The following KCNIP4 variants were observed in gnomAD, a reference collection of about 807,000 sequenced individuals.
The protein encoded by KCNIP4 is potassium voltage-gated channel interacting protein 4.
In KCNIP4, 12 loss-of-function variants were observed where a neutral mutation model predicts 34.0. The ratio of observed to expected loss-of-function variants is 0.35; its 90% confidence interval spans 0.23 to 0.57. The LOEUF (loss-of-function observed/expected upper bound fraction) is 0.57, where lower values mean the gene tolerates loss of function less well. Ranked by LOEUF, KCNIP4 falls within the 20% of genes least tolerant of loss-of-function variation. The pLI is 0.83. For missense variants in KCNIP4, 238 were observed against 311.7 expected, an observed-to-expected ratio of 0.76 and a Z score of 1.78; for synonymous variants, 124 against 102.2, an observed-to-expected ratio of 1.21 and a Z score of -1.29.
intron 1 of KCNIP4, among the ~76,000 whole-genome samples, chr4:20,944,630 G>C (rs1218550053): frequency 6.6e-6 from 1 of 152,206 alleles, no homozygotes; most frequent in Non-Finnish European, 1.5e-5. Context: ...AGACAAAGAA[G>C]GTTTGCGGGT....
intron 2 of KCNIP4, among the ~76,000 whole-genome samples, chr4:20,871,507 A>T (rs1305215907): frequency 6.6e-6 from 1 of 151,964 alleles, no homozygotes; most frequent in African/African-American, 2.4e-5. Flanking sequence ...GGGACTCCAG[A>T]GTAGGAAAGC....
intron 1 of KCNIP4, among the ~76,000 whole-genome samples, chr4:21,321,977 T>A (rs75938006): frequency 0.58 from 67,675 of 117,370 alleles, 16,930 homozygotes; most frequent in Middle Eastern, 0.71. Context: ...AGAGAAATGG[T>A]GGAAGGGAAG....
At chr4:21,646,085 G>A (rs1453566837) in intron 1 of KCNIP4, among the ~76,000 whole-genome samples, 2 of 152,088 alleles carry the variant, frequency 1.3e-5, no homozygotes, top group Non-Finnish European at 2.9e-5. Flanking sequence ...ATCATAAAGA[G>A]CGTATCACTC....
At position 21,319,699 on chromosome 4, in the gene KCNIP4, A is replaced by G. The variant is rs866172776; in HGVS notation, c.62-436990T>C. 2.0e-5 allele frequency among the ~76,000 whole-genome samples: 3 copies of G among 152,168 alleles called. No homozygotes were observed. In the South Asian group the frequency reaches 6.2e-4, roughly 31 times the overall value. On this transcript the variant is annotated intron_variant, in intron 1 of 8. Coordinates refer to ENST00000382152, the MANE Select transcript of KCNIP4 (RefSeq NM_025221.6). ...GTATATTCTCCTGGCCACCCTACAC[A>G]GATGCACACAAGACACACACACAGA...
intron 1 of KCNIP4, among the ~76,000 whole-genome samples, chr4:21,490,970 G>A (rs569245840): frequency 1.1e-4 from 16 of 152,258 alleles, no homozygotes; most frequent in African/African-American, 3.4e-4. Flanking sequence ...ATAAAGAACA[G>A]CAGGTGCAAA....
intron 1 of KCNIP4, among the ~76,000 whole-genome samples, chr4:21,556,920 C>CAAAAAA (rs1281543089): frequency 5.4e-4 from 19 of 35,494 alleles, no homozygotes; most frequent in East Asian, 2.5e-3. Flanking sequence ...GACTCCATCT[C>CAAAAAA]AGAAAAAAAA....
At chr4:21,630,483 G>A (rs1305602554) in intron 1 of KCNIP4, among the ~76,000 whole-genome samples, 1 of 150,496 alleles carries the variant, frequency 6.6e-6, no homozygotes, top group Non-Finnish European at 1.5e-5. Flanking sequence ...AAATCCTTCA[G>A]AATCCCATTT....
At chr4:21,788,822 C>T (rs1424187764) in intron 1 of KCNIP4, among the ~76,000 whole-genome samples, 1 of 152,026 alleles carries the variant, frequency 6.6e-6, no homozygotes. Flanking sequence ...TAACTGTAAT[C>T]CCACCACTTT....
At chr4:20,864,795 A>G (rs943676638) in intron 2 of KCNIP4, among the ~76,000 whole-genome samples, 1 of 152,154 alleles carries the variant, frequency 6.6e-6, no homozygotes, top group African/African-American at 2.4e-5. Context: ...TGTAAATCAA[A>G]AACCATTAGG....
At chr4:20,752,529 C>T (rs1341341724) in intron 4 of KCNIP4, 1 of 152,182 alleles carries the variant, frequency 6.6e-6, no homozygotes, top group Non-Finnish European at 1.5e-5. Flanking sequence ...ACAAACGTAA[C>T]ATCTTTTCAC....
chr4:21,553,964 A>T (rs2202313), intron 1 of KCNIP4, among the ~76,000 whole-genome samples: 1 of 151,844 alleles, frequency 6.6e-6, no homozygotes, highest in South Asian at 2.1e-4. Context: ...CATATCTTTC[A>T]GTGGGGAAGG....
intron 1 of KCNIP4, among the ~76,000 whole-genome samples, chr4:21,301,550 C>G (rs577370235): frequency 6.6e-6 from 1 of 152,216 alleles, no homozygotes; most frequent in Non-Finnish European, 1.5e-5. Flanking sequence ...TCATTATCTT[C>G]TGAACTTAGA....
At chr4:21,542,404 G>A (rs1229580127) in intron 1 of KCNIP4, among the ~76,000 whole-genome samples, 1 of 151,780 alleles carries the variant, frequency 6.6e-6, no homozygotes, top group African/African-American at 2.4e-5. Flanking sequence ...AAATAAAATC[G>A]AGCTTGAAAA....
At chr4:21,106,989 A>C (rs959918399) in intron 1 of KCNIP4, among the ~76,000 whole-genome samples, 46 of 149,526 alleles carry the variant, frequency 3.1e-4, no homozygotes, top group African/African-American at 1.1e-3. Context: ...CTGTTCTTTT[A>C]CATTTGCTGA....
chr4:21,309,899 A>G (rs935953144), intron 1 of KCNIP4, among the ~76,000 whole-genome samples: 1 of 152,188 alleles, frequency 6.6e-6, no homozygotes, highest in African/African-American at 2.4e-5. Flanking sequence ...AGGTAGGGGA[A>G]TCGAACTAAG....
At chr4:21,145,551 C>T (rs1320955620) in intron 1 of KCNIP4, among the ~76,000 whole-genome samples, 1 of 152,174 alleles carries the variant, frequency 6.6e-6, no homozygotes. Context: ...AAGGTTAAAG[C>T]TTTCAGAGTG....
At chr4:20,816,219 ACT>A (rs1387903093) in intron 3 of KCNIP4, among the ~76,000 whole-genome samples, 12 of 148,986 alleles carry the variant, frequency 8.1e-5, no homozygotes. Context: ...GCACCCCTGC[ACT>A]CCAGCCTGGG....
chr4:21,411,405 C>A (rs544720378), intron 1 of KCNIP4, among the ~76,000 whole-genome samples: 16 of 152,240 alleles, frequency 1.1e-4, no homozygotes, highest in African/African-American at 3.9e-4. Context: ...TACCCATGAA[C>A]CTTTGGCTGA....
intron 1 of KCNIP4, among the ~76,000 whole-genome samples, chr4:21,548,337 G>A (rs1738301734): frequency 1.3e-5 from 2 of 152,028 alleles, no homozygotes; most frequent in Admixed American, 1.3e-4. Context: ...CAGATTATAT[G>A]AAGGTCAGAA....
Sources: gnomAD v4.1 joint callset for allele counts (sites outside exome capture counted in the v4.1 genomes callset) on GRCh38, gnomAD v4.1.1 for gene constraint, MANE v1.5 for transcripts, NCBI Gene and HGNC (gene_info 2026-07-23, HGNC 2026-07-21) for gene names.